RBMS1: variants seen among roughly 807,000 people sequenced by gnomAD.
RBMS1 encodes the protein RNA-binding motif, single-stranded-interacting protein 1.
RBMS1 carries 17 observed loss-of-function variants against 62.3 expected under a neutral mutation model. The observed-to-expected ratio is 0.27, with a 90% CI of 0.19 to 0.41. The LOEUF (loss-of-function observed/expected upper bound fraction) is 0.41. Among genes scored for constraint, RBMS1 ranks in the 10% least tolerant of loss-of-function variants. The pLI is 1.00. For synonymous variants in RBMS1, 172 were observed against 170.0 expected (o/e 1.01, Z -0.09); for missense variants, 334 against 504.5 (o/e 0.66, Z 3.24).
At chr2:160,480,306 T>C (rs1172546676) in intron 1 of RBMS1, among the ~76,000 whole-genome samples, 2 of 152,166 alleles carry the variant, frequency 1.3e-5, no homozygotes, top group African/African-American at 2.4e-5. Flanking sequence ...TATTTTGACA[T>C]GCATGCAAGA....
intron 1 of RBMS1, among the ~76,000 whole-genome samples, chr2:160,388,801 A>C (rs1239702829): frequency 2.0e-5 from 3 of 152,222 alleles, no homozygotes. Flanking sequence ...TGGCTCCTCT[A>C]ATTGACATGT....
rs775650328 is a variant in RBMS1, at chr2:160,391,924, C to A, written c.76-24533G>T. Among the ~76,000 whole-genome samples the A allele has an allele frequency of 7.2e-5, 11 of 151,758 alleles. No individual in the cohort carries two copies. The South Asian group carries it at 1.0e-3, about 14-fold the overall frequency. On this transcript the variant is annotated intron_variant, in intron 1 of 13. Coordinates refer to ENST00000348849, the MANE Select transcript of RBMS1 (RefSeq NM_016836.4). ...GCACCGAGCTGAGATCGCACCACTG[C>A]ACTACAGCCTGGGGCGCAGAGGGAG...
At chr2:160,389,109 CACAGAGCACTGT>C (rs1250990173) in intron 1 of RBMS1, among the ~76,000 whole-genome samples, 1 of 152,234 alleles carries the variant, frequency 6.6e-6, no homozygotes, top group Non-Finnish European at 1.5e-5. Context: ...GCATCCCTGA[CACAGAGCACTGT>C]CACACACTGA....
At chr2:160,483,126 CTAAACT>C (rs1188157789) in intron 1 of RBMS1, among the ~76,000 whole-genome samples, 1 of 149,660 alleles carries the variant, frequency 6.7e-6, no homozygotes, top group Non-Finnish European at 1.5e-5. Context: ...ATTTCTTCTG[CTAAACT>C]TAAAGTCTGA....
chr2:160,366,231 T>C (rs1259086638), intron 2 of RBMS1, among the ~76,000 whole-genome samples: 1 of 152,202 alleles, frequency 6.6e-6, no homozygotes, highest in Non-Finnish European at 1.5e-5. Flanking sequence ...TGGAAATAAC[T>C]GACCAAGTTA....
At chr2:160,445,936 G>A (rs562493960) in intron 1 of RBMS1, among the ~76,000 whole-genome samples, 3 of 151,980 alleles carry the variant, frequency 2.0e-5, no homozygotes, top group Non-Finnish European at 4.4e-5. Context: ...ACTGTTCAGT[G>A]ATATCACTGC....
At chr2:160,333,992 T>TA (rs1691427255) in intron 2 of RBMS1, among the ~76,000 whole-genome samples, 1 of 152,146 alleles carries the variant, frequency 6.6e-6, no homozygotes, top group African/African-American at 2.4e-5. Context: ...GTACAGCACT[T>TA]ATTCTAGTAC....
intron 1 of RBMS1, among the ~76,000 whole-genome samples, chr2:160,411,364 CTA>C (rs1393469543): frequency 6.6e-6 from 1 of 152,154 alleles, no homozygotes; most frequent in Non-Finnish European, 1.5e-5. Flanking sequence ...GAAGCAGAAA[CTA>C]TGAGTAAACA....
chr2:160,331,829 G>C (rs1403369325), intron 2 of RBMS1, among the ~76,000 whole-genome samples: 1 of 152,152 alleles, frequency 6.6e-6, no homozygotes, highest in Non-Finnish European at 1.5e-5. Flanking sequence ...GGAGTCGAGT[G>C]TTTGCAGTCA....
rs186724282 is a variant in RBMS1 at position 160,486,636 on chromosome 2, T to C, written c.75+6653A>G. Among the ~76,000 whole-genome samples, 25 of 152,286 alleles carry C rather than the reference T, an allele frequency of 1.6e-4. 1 individual carries two copies. The East Asian group carries it at 4.8e-3, about 29-fold the overall frequency. ...GAGGACAACAGGACTCCTGAAGCAC[T>C]TGGATCCAGTTGCAGAGGTGAATAT... On this transcript the variant is annotated intron_variant, in intron 1 of 13. Coordinates refer to ENST00000348849, the MANE Select transcript of RBMS1 (RefSeq NM_016836.4).
At chr2:160,377,324 T>C (rs2105180200) in intron 1 of RBMS1, among the ~76,000 whole-genome samples, 1 of 152,316 alleles carries the variant, frequency 6.6e-6, no homozygotes, top group East Asian at 1.9e-4. Flanking sequence ...CCCACTAATA[T>C]TGCCACCTAC....
intron 10 of RBMS1, among the ~76,000 whole-genome samples, chr2:160,280,611 A>C (rs1688055605): frequency 6.6e-6 from 1 of 152,158 alleles, no homozygotes; most frequent in South Asian, 2.1e-4. Context: ...CCCATTTTGC[A>C]TCAGTTACTA....
chr2:160,440,567 C>A (rs139011413), intron 1 of RBMS1, among the ~76,000 whole-genome samples: 1 of 152,180 alleles, frequency 6.6e-6, no homozygotes, highest in African/African-American at 2.4e-5. Context: ...ATCTCTCCCC[C>A]ACCCTCACCA....
In RBMS1 at chr2:160,387,124, C is replaced by T. The variant is rs116387879; in HGVS notation, c.76-19733G>A. Among the ~76,000 whole-genome samples, 324 of 152,240 alleles carry T rather than the reference C, an allele frequency of 2.1e-3. 1 individual carries two copies. Among genetic ancestry groups the T allele is most frequent in the African/African-American group, 7.2e-3 (300 of 41,548 alleles). On this transcript the variant is annotated intron_variant, in intron 1 of 13. Transcript: ENST00000348849. ...ATCAAATTCTAAGACTGTCCCCACCCCTTGATATTCCTGGCTGCTTTCCCC... is the reference window on the plus strand; with the variant it reads ...ATCAAATTCTAAGACTGTCCCCACCTCTTGATATTCCTGGCTGCTTTCCCC...
chr2:160,283,118 G>T (rs1236756870), intron 9 of RBMS1: 1 of 152,142 alleles, frequency 6.6e-6, no homozygotes, highest in African/African-American at 2.4e-5. Context: ...TATTATAAGA[G>T]GGAAAAAGAG....
intron 2 of RBMS1, among the ~76,000 whole-genome samples, chr2:160,362,173 T>C (rs1693166148): frequency 6.6e-6 from 1 of 152,220 alleles, no homozygotes. Flanking sequence ...ATGTTGTAGG[T>C]GGTTTGATCT....
intron 1 of RBMS1, among the ~76,000 whole-genome samples, chr2:160,411,763 G>A (rs1696047171): frequency 6.6e-6 from 1 of 152,318 alleles, no homozygotes; most frequent in South Asian, 2.1e-4. Context: ...TCATGGTGAT[G>A]CCTAGATTTA....
At chr2:160,313,050 G>T in intron 4 of RBMS1, 106 bp downstream of exon 4, 1 of 1,052,954 alleles carries the variant, frequency 9.5e-7, no homozygotes, top group Non-Finnish European at 1.4e-6. Context: ...GCGCTGTGCT[G>T]AGTGGGATGA....
chr2:160,335,088 T>C (rs1691494449), intron 2 of RBMS1, among the ~76,000 whole-genome samples: 1 of 152,152 alleles, frequency 6.6e-6, no homozygotes, highest in East Asian at 1.9e-4. Flanking sequence ...CTAAAGAATA[T>C]GATTTGTACA....
Sources: gnomAD v4.1 joint callset for allele counts (sites outside exome capture counted in the v4.1 genomes callset) on GRCh38, gnomAD v4.1.1 for gene constraint, MANE v1.5 for transcripts, NCBI Gene and HGNC (gene_info 2026-07-23, HGNC 2026-07-21) for gene names.